The following ASTN2 variants were observed in gnomAD, a reference collection of about 807,000 sequenced individuals.
ASTN2 encodes the protein astrotactin-2.
Under a neutral mutation model 139.8 loss-of-function variants are expected in ASTN2, and 54 were observed. The ratio of observed to expected loss-of-function variants is 0.39; its 90% confidence interval spans 0.31 to 0.48. ASTN2 has a LOEUF of 0.48. Ranked by LOEUF, ASTN2 falls within the 20% of genes least tolerant of loss-of-function variation. The probability of loss-of-function intolerance (pLI) is 0.95; values close to 1 mark genes in which losing one functional copy is unlikely to be tolerated. For synonymous variants in ASTN2, 756 were observed against 719.5 expected, an observed-to-expected ratio of 1.05 and a Z score of -0.81; for missense variants, 1,565 against 1,725.1, an observed-to-expected ratio of 0.91 and a Z score of 1.64.
At chr9:117,228,565 G>A (rs1046661090) in intron 2 of ASTN2, among the ~76,000 whole-genome samples, 1 of 152,056 alleles carries the variant, frequency 6.6e-6, no homozygotes, top group African/African-American at 2.4e-5. Context: ...CAATGAGAAG[G>A]GAAAAGAGAG....
chr9:116,738,655 A>G (rs762258899), intron 13 of ASTN2, among the ~76,000 whole-genome samples: 13 of 152,214 alleles, frequency 8.5e-5, no homozygotes, highest in Non-Finnish European at 1.6e-4. Context: ...TAACCTCATA[A>G]GAACTCTGTG....
intron 5 of ASTN2, among the ~76,000 whole-genome samples, chr9:117,045,212 T>G (rs1364802149): frequency 6.6e-6 from 1 of 151,740 alleles, no homozygotes; most frequent in African/African-American, 2.4e-5. Flanking sequence ...GTGGTCTTTT[T>G]TCAGAGCTGA....
chr9:116,969,824 A>T (rs1836133323), intron 10 of ASTN2, among the ~76,000 whole-genome samples: 1 of 152,126 alleles, frequency 6.6e-6, no homozygotes, highest in African/African-American at 2.4e-5. Context: ...CCACCTCCAA[A>T]ATACCTAATT....
chr9:116,699,275 T>A lies in ASTN2; in HGVS notation c.2806+26496A>T. The A allele has an allele frequency of 1.9e-6, 3 of 1,614,208 alleles. No individual in the cohort carries two copies. The highest frequency in any genetic ancestry group is 2.5e-6 in the Non-Finnish European group (3 of 1,180,044). On this transcript the variant is annotated intron_variant, in intron 16 of 22. Transcript: ENST00000313400. The surrounding 1 kb of genome is among the most constrained non-coding windows in gnomAD (Gnocchi z 4.2). ...GGGTGGTCAAATACAGCTGCCTATGTAGTGCTGTGCGGCCCAAATTTGTCA... is the reference window on the plus strand; with the variant it reads ...GGGTGGTCAAATACAGCTGCCTATGAAGTGCTGTGCGGCCCAAATTTGTCA...
chr9:116,791,729 C>T (rs181991632), intron 13 of ASTN2, among the ~76,000 whole-genome samples: 2 of 152,298 alleles, frequency 1.3e-5, no homozygotes, highest in East Asian at 1.9e-4. Flanking sequence ...GCCTGAGTTA[C>T]GGCCTGCATT....
intron 22 of ASTN2, chr9:116,437,120 G>A (rs1214034135): frequency 9.3e-6 from 3 of 324,146 alleles, no homozygotes; most frequent in East Asian, 1.6e-4. Context: ...TGACGAGTTA[G>A]TGGGTGCAGC....
intron 10 of ASTN2, among the ~76,000 whole-genome samples, chr9:116,973,095 T>A (rs756877010): frequency 1.3e-5 from 2 of 152,220 alleles, no homozygotes; most frequent in Non-Finnish European, 2.9e-5. Context: ...TCTCAAATGG[T>A]GATGATTGCA....
chr9:116,857,658 G>A (rs4837952), intron 11 of ASTN2, among the ~76,000 whole-genome samples: 54,643 of 152,012 alleles, frequency 0.36, 10,981 homozygotes, highest in Middle Eastern at 0.47. Flanking sequence ...AGCAATTTCC[G>A]TATCTTTCTA....
chr9:116,859,326 C>T (rs963068325), intron 11 of ASTN2, among the ~76,000 whole-genome samples: 3 of 152,146 alleles, frequency 2.0e-5, no homozygotes, highest in African/African-American at 4.8e-5. Context: ...CATCTTATGG[C>T]CATCCTCCAA....
At chr9:116,896,807 T>C (rs963845980) in intron 10 of ASTN2, among the ~76,000 whole-genome samples, 2 of 152,128 alleles carry the variant, frequency 1.3e-5, no homozygotes, top group East Asian at 3.9e-4. Flanking sequence ...ACTCACTCAT[T>C]TACCATCATG....
chr9:116,471,275 A>G (rs1281034754), intron 20 of ASTN2, among the ~76,000 whole-genome samples: 4 of 152,202 alleles, frequency 2.6e-5, no homozygotes, highest in African/African-American at 7.2e-5. Context: ...TCCAGTCGTG[A>G]GAGTCAGATA....
intron 2 of ASTN2, among the ~76,000 whole-genome samples, chr9:117,233,197 C>G (rs1475393410): frequency 6.6e-6 from 1 of 152,184 alleles, no homozygotes; most frequent in Non-Finnish European, 1.5e-5. Context: ...GGGGCTGCAA[C>G]TGGGAGGAGG....
chr9:116,884,819 C>G (rs1223380847), intron 10 of ASTN2, among the ~76,000 whole-genome samples: 1 of 127,234 alleles, frequency 7.9e-6, no homozygotes, highest in Non-Finnish European at 1.6e-5. Context: ...CCCCCACCCA[C>G]TTTTTTTTTT....
chr9:116,768,097 A>C (rs986152087), intron 13 of ASTN2, among the ~76,000 whole-genome samples: 4 of 152,198 alleles, frequency 2.6e-5, no homozygotes, highest in African/African-American at 9.7e-5. Flanking sequence ...ATACAAGTAA[A>C]AAAGACAATT....
intron 20 of ASTN2, among the ~76,000 whole-genome samples, chr9:116,460,238 G>A (rs1848445886): frequency 6.6e-6 from 1 of 152,098 alleles, no homozygotes; most frequent in Non-Finnish European, 1.5e-5. Context: ...TGGTTGCCAG[G>A]GGTTGGGAGG....
chr9:116,788,125 T>G (rs1198353430), intron 13 of ASTN2, among the ~76,000 whole-genome samples: 3 of 152,074 alleles, frequency 2.0e-5, no homozygotes, highest in African/African-American at 4.8e-5. Flanking sequence ...AAACTCGTAT[T>G]AGAGAGTAGA....
At chr9:116,828,320 C>T (rs1370999262) in intron 11 of ASTN2, among the ~76,000 whole-genome samples, 1 of 132,162 alleles carries the variant, frequency 7.6e-6, no homozygotes, top group East Asian at 2.4e-4. Flanking sequence ...AAAAAAAATA[C>T]TAGCAAGTCG....
At chr9:116,648,473 G>A (rs1200023651) in intron 17 of ASTN2, among the ~76,000 whole-genome samples, 1 of 152,008 alleles carries the variant, frequency 6.6e-6, no homozygotes, top group Non-Finnish European at 1.5e-5. Context: ...GCCTCCTCAT[G>A]GATCTCCTTG....
intron 1 of ASTN2, among the ~76,000 whole-genome samples, chr9:117,358,372 C>A (rs956126648): frequency 6.6e-6 from 1 of 151,572 alleles, no homozygotes; most frequent in Non-Finnish European, 1.5e-5. Context: ...TCTCTGGCAA[C>A]AGGAAAAGGT....
Sources: gnomAD v4.1 joint callset for allele counts (sites outside exome capture counted in the v4.1 genomes callset) on GRCh38, gnomAD v4.1.1 for gene constraint, Gnocchi (gnomAD v3.1) non-coding constraint, MANE v1.5 for transcripts, NCBI Gene and HGNC (gene_info 2026-07-23, HGNC 2026-07-21) for gene names.